The following RBFOX1 variants were observed in gnomAD, a reference collection of about 807,000 sequenced individuals.
The protein encoded by RBFOX1 is RNA binding fox-1 homolog 1.
Under a neutral mutation model 57.7 loss-of-function variants are expected in RBFOX1, and 8 were observed. The ratio of observed to expected loss-of-function variants is 0.14; its 90% CI spans 0.08 to 0.25. RBFOX1 has a LOEUF of 0.25. Ranked by LOEUF, RBFOX1 falls within the 10% of genes least tolerant of loss-of-function variation. The pLI, the probability that RBFOX1 is intolerant of heterozygous loss-of-function variation, is 1.00. For synonymous variants in RBFOX1, 326 were observed against 222.4 expected, an observed-to-expected ratio of 1.47 and a Z score of -4.15; for missense variants, 611 against 548.5, an observed-to-expected ratio of 1.11 and a Z score of -1.14.
At chr16:5,673,240 C>T (rs28566549) in intron 3 of RBFOX1, among the ~76,000 whole-genome samples, 26,221 of 151,904 alleles carry the variant, frequency 0.17, 2,605 homozygotes, top group East Asian at 0.32. Flanking sequence ...GGGGCAAGGA[C>T]GGAGCCAGTC....
chr16:6,885,921 C>T (rs1013125502), intron 3 of RBFOX1, among the ~76,000 whole-genome samples: 2 of 152,122 alleles, frequency 1.3e-5, no homozygotes, highest in African/African-American at 4.8e-5. Context: ...ACTTTATTAA[C>T]CCAATAATAA....
At position 6,911,599 on chromosome 16, in the gene RBFOX1, G is replaced by A. The variant is rs528774746; in HGVS notation, c.-15-140458G>A. On this transcript the variant is annotated intron_variant, in intron 3 of 15. Transcript: ENST00000550418. ...GACTTAATTTTGTTACCTCTGTAAAGACCCTGCTTCCAAATCACGTCTCAC... is the reference window on the plus strand; with the variant it reads ...GACTTAATTTTGTTACCTCTGTAAAAACCCTGCTTCCAAATCACGTCTCAC... Among the ~76,000 whole-genome samples the A allele has an allele frequency of 3.9e-5, 6 of 152,272 alleles. No individual in the cohort carries two copies. In the South Asian group the frequency reaches 1.2e-3, roughly 32 times the overall value.
At chr16:6,861,864 C>G (rs547468117) in intron 3 of RBFOX1, among the ~76,000 whole-genome samples, 21 of 97,650 alleles carry the variant, frequency 2.2e-4, no homozygotes, top group South Asian at 3.6e-4. Flanking sequence ...TTTGGTCTAG[C>G]TTGCACTTTC....
intron 2 of RBFOX1, among the ~76,000 whole-genome samples, chr16:6,413,459 C>T (rs1176178281): frequency 2.6e-5 from 4 of 152,062 alleles, no homozygotes; most frequent in East Asian, 3.8e-4. Context: ...CCACTGTGTC[C>T]AGCCAAAATT....
rs1166998032 is a variant in RBFOX1, at chr16:5,284,756, A to ATTTTTTTTTTTTTTTTTTTTTT, written c.219+44656_219+44677dup. On this transcript the variant is annotated intron_variant, in intron 1 of 2. Transcript: ENST00000585867. ...GCTGGGTATAGTAGTTTTGGCTTAGATTTTTTTTTTTTTTTTTTTTTTTTT... is the reference window on the plus strand; with the variant it reads ...GCTGGGTATAGTAGTTTTGGCTTAGATTTTTTTTTTTTTTTTTTTTTTTTTTTTTTTTTTTTTTTTTTTTTTT... 7.4e-4 allele frequency among the ~76,000 whole-genome samples: 45 copies of ATTTTTTTTTTTTTTTTTTTTTT among 61,044 alleles called. 2 individuals are homozygous for ATTTTTTTTTTTTTTTTTTTTTT. The highest frequency in any genetic ancestry group is 9.1e-4 in the Admixed American group (4 of 4,404). 40.0% of individuals were successfully genotyped at this position (61,044 alleles called of 152,430 possible).
intron 4 of RBFOX1, among the ~76,000 whole-genome samples, chr16:5,942,678 T>G (rs1014951953): frequency 6.6e-6 from 1 of 152,154 alleles, no homozygotes; most frequent in Non-Finnish European, 1.5e-5. Flanking sequence ...ACAAACTACC[T>G]TTCTCCCAAA....
At chr16:7,501,216 G>T (rs2070733477) in intron 4 of RBFOX1, among the ~76,000 whole-genome samples, 1 of 152,164 alleles carries the variant, frequency 6.6e-6, no homozygotes, top group Non-Finnish European at 1.5e-5. Context: ...TACCTAAAGT[G>T]ACTACTTGTT....
chr16:7,319,204 G>T (rs564261583), intron 4 of RBFOX1, among the ~76,000 whole-genome samples: 22 of 152,198 alleles, frequency 1.4e-4, no homozygotes, highest in African/African-American at 5.3e-4. Flanking sequence ...GGTCTGTGCC[G>T]TAATCCTAAA....
chr16:5,776,599 C>G (rs1458488264), intron 3 of RBFOX1, among the ~76,000 whole-genome samples: 1 of 152,204 alleles, frequency 6.6e-6, no homozygotes, highest in African/African-American at 2.4e-5. Flanking sequence ...TTATGAAGAA[C>G]GAATGTGGCA....
chr16:7,574,574 T>C (rs1486194627), intron 5 of RBFOX1, among the ~76,000 whole-genome samples: 1 of 151,578 alleles, frequency 6.6e-6, no homozygotes, highest in East Asian at 1.9e-4. Flanking sequence ...TGGGGGAGAG[T>C]TGTAGGCTGG....
chr16:5,926,973 A>T (rs1445966529), intron 4 of RBFOX1, among the ~76,000 whole-genome samples: 9 of 152,194 alleles, frequency 5.9e-5, no homozygotes, highest in Admixed American at 5.9e-4. Context: ...TATAATCCAC[A>T]GTCTTAGCCA....
At chr16:6,724,452 C>G (rs147499333) in intron 3 of RBFOX1, among the ~76,000 whole-genome samples, 1 of 152,024 alleles carries the variant, frequency 6.6e-6, no homozygotes, top group Non-Finnish European at 1.5e-5. Context: ...AGGTGATCCA[C>G]CCACCTCGTC....
At chr16:7,563,701 C>T (rs1197752983) in intron 5 of RBFOX1, among the ~76,000 whole-genome samples, 1 of 152,220 alleles carries the variant, frequency 6.6e-6, no homozygotes, top group East Asian at 1.9e-4. Flanking sequence ...AACTCCTGAC[C>T]TCGTGATCCA....
intron 3 of RBFOX1, among the ~76,000 whole-genome samples, chr16:5,687,882 C>T (rs1482520809): frequency 6.6e-6 from 1 of 151,920 alleles, no homozygotes; most frequent in African/African-American, 2.4e-5. Context: ...TGTGTACCAG[C>T]TTCATAAACA....
chr16:5,361,603 G>C (rs772096449), intron 1 of RBFOX1, among the ~76,000 whole-genome samples: 1 of 152,212 alleles, frequency 6.6e-6, no homozygotes, highest in Middle Eastern at 3.2e-3. Context: ...GCAGAACATG[G>C]AGCGTGGGGC....
intron 1 of RBFOX1, among the ~76,000 whole-genome samples, chr16:5,259,345 A>T (rs1226660356): frequency 6.6e-6 from 1 of 152,152 alleles, no homozygotes; most frequent in Non-Finnish European, 1.5e-5. Context: ...TATGTTTGCA[A>T]AAGCTCCCAG....
At chr16:5,795,713 A>G (rs1361669297) in intron 3 of RBFOX1, among the ~76,000 whole-genome samples, 4 of 152,204 alleles carry the variant, frequency 2.6e-5, no homozygotes, top group African/African-American at 9.7e-5. Flanking sequence ...CCTCCTAAAT[A>G]GATCCATTTC....
chr16:7,709,678 G>T (rs1407190103), intron 15 of RBFOX1: 2 of 1,419,928 alleles, frequency 1.4e-6, no homozygotes, highest in East Asian at 3.0e-5. Flanking sequence ...TAGTACATAA[G>T]AAAGTAGAAG....
At chr16:6,770,349 G>T (rs1297765484) in intron 3 of RBFOX1, among the ~76,000 whole-genome samples, 1 of 152,120 alleles carries the variant, frequency 6.6e-6, no homozygotes, top group Non-Finnish European at 1.5e-5. Context: ...CAGGGCAGGG[G>T]TTGGAAAACT....
Sources: allele counts gnomAD v4.1 joint callset (sites outside exome capture counted in the v4.1 genomes callset), GRCh38; gene constraint gnomAD v4.1.1; transcripts MANE v1.5; gene names NCBI Gene and HGNC (gene_info 2026-07-23, HGNC 2026-07-21).